Variants in GPR20 observed in about 807,000 individuals in gnomAD.
The protein encoded by GPR20 is G protein-coupled receptor 20.
For synonymous variants in GPR20, 241 were observed against 241.9 expected, an observed-to-expected ratio of 1.00 and a Z score of 0.04; for missense variants, 494 against 527.4, an observed-to-expected ratio of 0.94 and a Z score of 0.62.
intron 1 of GPR20, among the ~76,000 whole-genome samples, chr8:141,364,996 C>T (rs777173642): frequency 6.6e-6 from 1 of 152,226 alleles, no homozygotes; most frequent in Admixed American, 6.5e-5. Context: ...ACCTGCCTGG[C>T]CTCAGCCTGG....
intron 1 of GPR20, among the ~76,000 whole-genome samples, chr8:141,363,687 G>C (rs1831772676): frequency 1.3e-5 from 2 of 152,360 alleles, no homozygotes; most frequent in South Asian, 4.1e-4. Context: ...CTCCGTCCTT[G>C]GCCGGTGGGT....
chr8:141,362,952 C>T lies in GPR20; in HGVS notation c.-25+4249G>A, dbSNP rs527726345. On this transcript the variant is annotated intron_variant, in intron 1 of 1. Coordinates refer to ENST00000377741, the MANE Select transcript of GPR20 (RefSeq NM_005293.3). ...ATTTTTGGTACAGATGGGGTTTCAC[C>T]ATGTTGGCCAAGGTAGTCTCAAACT... 7.6e-4 allele frequency among the ~76,000 whole-genome samples: 116 copies of T among 152,250 alleles called. 1 individual carries two copies. Among genetic ancestry groups the T allele is most frequent in the African/African-American group, 2.7e-3 (113 of 41,550 alleles).
chr8:141,357,227 G>A lies in GPR20; in HGVS notation c.697C>T (p.Arg233Cys), dbSNP rs760709840. Residue 233 changes from arginine to cysteine, a missense_variant, in exon 2 of 2, where the codon CGC becomes TGC. Coordinates refer to ENST00000377741, the MANE Select transcript of GPR20 (RefSeq NM_005293.3). ...LSRPGLLHQG[R>C]QRRVRAMQLL... Reference sequence around the variant, plus strand: ...TGCATGGCCCGCACGCGGCGCTGGCGACCCTGGTGGAGCAGACCCGGCCGC... The same window carrying A: ...TGCATGGCCCGCACGCGGCGCTGGCAACCCTGGTGGAGCAGACCCGGCCGC... 51 of 1,556,646 alleles carry A rather than the reference G, an allele frequency of 3.3e-5. No individual in the cohort carries two copies. Among genetic ancestry groups the A allele is most frequent in the Middle Eastern group, 1.7e-4 (1 of 6,006 alleles).
intron 1 of GPR20, among the ~76,000 whole-genome samples, chr8:141,361,085 G>T (rs934582505): frequency 6.6e-6 from 1 of 152,252 alleles, no homozygotes; most frequent in Non-Finnish European, 1.5e-5. Context: ...ACTCCATGGC[G>T]GGGGCCAACT....
intron 1 of GPR20, among the ~76,000 whole-genome samples, chr8:141,358,926 A>G (rs1444682243): frequency 4.0e-5 from 6 of 151,800 alleles, no homozygotes; most frequent in Admixed American, 3.3e-4. Flanking sequence ...GGGGCGGGCG[A>G]GGGGCTGTGC....
At position 141,357,604 on chromosome 8, in the gene GPR20, G is replaced by C; in HGVS notation, c.320C>G (p.Pro107Arg). ...VTDLLVGLSL[P>R]TRFAVYYGAR... ...GCCGTAGTACACAGCGAAGCGCGTGGGCAGGGACAGCCCTACCAGTAGATC... is the reference window on the plus strand; with the variant it reads ...GCCGTAGTACACAGCGAAGCGCGTGCGCAGGGACAGCCCTACCAGTAGATC... The change falls in exon 2 of 2, where the codon CCC becomes CGC. Residue 107 changes from proline (P) to arginine (R), a missense_variant. Pro to Arg is a moderately radical substitution (Grantham distance 103). Coordinates refer to ENST00000377741, the MANE Select transcript of GPR20 (RefSeq NM_005293.3). The C allele has an allele frequency of 6.2e-7, 1 of 1,613,992 alleles. No homozygotes were observed. Among genetic ancestry groups the C allele is most frequent in the Non-Finnish European group, 8.5e-7 (1 of 1,180,022 alleles).
At chr8:141,364,110 G>A (rs574734055) in intron 1 of GPR20, among the ~76,000 whole-genome samples, 2 of 152,252 alleles carry the variant, frequency 1.3e-5, no homozygotes, top group Non-Finnish European at 1.5e-5. Flanking sequence ...GGCAGGACCC[G>A]GCACAGGCCG....
chr8:141,358,207 G>A (rs1035368565), intron 1 of GPR20, among the ~76,000 whole-genome samples: 6 of 152,212 alleles, frequency 3.9e-5, no homozygotes, highest in South Asian at 2.1e-4. Flanking sequence ...GTGGAGACTC[G>A]ACAAAATACG....
rs115090517 is a variant in GPR20 at position 141,360,983 on chromosome 8, T to C, written c.-24-3036A>G. Among the ~76,000 whole-genome samples the C allele has an allele frequency of 3.6e-3, 549 of 152,306 alleles. 7 individuals carry two copies. The highest frequency in any genetic ancestry group is 0.013 in the African/African-American group (530 of 41,568). On this transcript the variant is annotated intron_variant, in intron 1 of 1. Coordinates refer to ENST00000377741, the MANE Select transcript of GPR20 (RefSeq NM_005293.3). ...GGAGGCAGGGCCCTGTCCCCAAGCC[T>C]AGTTTCCCTAAGCCAAACCTGGGTG...
chr8:141,358,156 G>A (rs560881522), intron 1 of GPR20, among the ~76,000 whole-genome samples: 1 of 152,394 alleles, frequency 6.6e-6, no homozygotes, highest in South Asian at 2.1e-4. Context: ...GGCTTTCAGA[G>A]TCAGACGCGT....
At chr8:141,360,642 C>G (rs1831718973) in intron 1 of GPR20, among the ~76,000 whole-genome samples, 2 of 152,212 alleles carry the variant, frequency 1.3e-5, no homozygotes, top group Admixed American at 1.3e-4. Context: ...CTGCAGGGGC[C>G]CATGGAAGTG....
chr8:141,364,490 G>A (rs577235217), intron 1 of GPR20, among the ~76,000 whole-genome samples: 2 of 152,208 alleles, frequency 1.3e-5, no homozygotes, highest in Non-Finnish European at 2.9e-5. Flanking sequence ...CAAGTCCCAG[G>A]TGACCCTGGC....
chr8:141,358,946 C>G (rs891804390), intron 1 of GPR20, among the ~76,000 whole-genome samples: 3 of 152,162 alleles, frequency 2.0e-5, no homozygotes, highest in Non-Finnish European at 2.9e-5. Context: ...CCGGAGCCAC[C>G]CACTCTGTTT....
chr8:141,358,665 C>T (rs369665027), intron 1 of GPR20, among the ~76,000 whole-genome samples: 48 of 152,334 alleles, frequency 3.2e-4, no homozygotes, highest in Middle Eastern at 3.4e-3. Context: ...GGATGGGGGT[C>T]CTCATGAGGG....
Position 141,356,490 on chromosome 8 carries a change from A to T in GPR20, c.*357T>A. On this transcript the variant is annotated 3_prime_UTR_variant, in exon 2 of 2. Coordinates refer to ENST00000377741, the MANE Select transcript of GPR20 (RefSeq NM_005293.3). Reference sequence around the variant, plus strand: ...TGTCCTTTTTTCTTTTTTCTTTTTCATCTCATCCTTCTAATCAATGGAATC... The same window carrying T: ...TGTCCTTTTTTCTTTTTTCTTTTTCTTCTCATCCTTCTAATCAATGGAATC... 3.4e-6 allele frequency: 1 copy of T among 294,090 alleles called. No individual in the cohort carries two copies. Among genetic ancestry groups the T allele is most frequent in the Non-Finnish European group, 6.2e-6 (1 of 160,320 alleles). The allele number at this position is 294,090 out of a possible 1,614,324, so 18.2% of individuals were successfully genotyped here.
intron 1 of GPR20, among the ~76,000 whole-genome samples, chr8:141,358,772 G>A (rs1164354597): frequency 1.3e-5 from 2 of 152,212 alleles, no homozygotes; most frequent in African/African-American, 2.4e-5. Flanking sequence ...CCTGAGAGGC[G>A]GGCACCCCTA....
At chr8:141,360,534 G>A (rs571087404) in intron 1 of GPR20, among the ~76,000 whole-genome samples, 4 of 152,268 alleles carry the variant, frequency 2.6e-5, no homozygotes, top group East Asian at 3.9e-4. Context: ...CCACAGCGAC[G>A]GATGTCCCGA....
intron 1 of GPR20, among the ~76,000 whole-genome samples, chr8:141,362,530 G>A (rs370664599): frequency 1.7e-4 from 26 of 152,292 alleles, no homozygotes; most frequent in African/African-American, 6.3e-4. Flanking sequence ...GCAAGGTGTG[G>A]CCTGGTTTCT....
Position 141,357,683 on chromosome 8 carries a change from G to A in GPR20, c.241C>T (p.Arg81Cys), listed in dbSNP as rs147911997. Residue 81 changes from arginine to cysteine, a missense_variant, in exon 2 of 2, where the codon CGC (arginine) becomes TGC (cysteine). Arg to Cys is a radical substitution (Grantham distance 180). Coordinates refer to ENST00000377741, the MANE Select transcript of GPR20 (RefSeq NM_005293.3). ...NGLALYVFCC[R>C]TRAKTPSVIY... ...ACTGAGGGTGTCTTGGCCCGGGTGC[G>A]GCAGCAGAAGACGTACAGCGCCAGC... 72 of 1,613,388 alleles carry A rather than the reference G, an allele frequency of 4.5e-5. No individual in the cohort carries two copies. In the African/African-American group the frequency reaches 8.5e-4, roughly 19 times the overall value.
Sources: gnomAD v4.1 joint callset for allele counts (sites outside exome capture counted in the v4.1 genomes callset) on GRCh38, gnomAD v4.1.1 for gene constraint, MANE v1.5 for transcripts, NCBI Gene and HGNC (gene_info 2026-07-23, HGNC 2026-07-21) for gene names.